Variants in CABLES1 observed in about 807,000 individuals in gnomAD.
CABLES1 encodes Cdk5 and Abl enzyme substrate 1.
In CABLES1, 36 loss-of-function variants were observed where a neutral mutation model predicts 57.8. The ratio of observed to expected loss-of-function variants is 0.62; its 90% CI spans 0.48 to 0.82. The LOEUF (loss-of-function observed/expected upper bound fraction) is 0.82, where lower values mean the gene tolerates loss of function less well. CABLES1 is among the 40% of genes least tolerant of loss of function. The pLI is 0.00. For synonymous variants in CABLES1, 374 were observed against 363.0 expected, an observed-to-expected ratio of 1.03 and a Z score of -0.35; for missense variants, 767 against 836.6, an observed-to-expected ratio of 0.92 and a Z score of 1.03.
At chr18:23,189,836 C>T (rs1459970952) in intron 2 of CABLES1, among the ~76,000 whole-genome samples, 1 of 152,250 alleles carries the variant, frequency 6.6e-6, no homozygotes, top group Non-Finnish European at 1.5e-5. Context: ...TGAAGCTTCA[C>T]TCCCAGGGCA....
At chr18:23,233,775 C>T (rs2047582832) in intron 4 of CABLES1, among the ~76,000 whole-genome samples, 1 of 152,202 alleles carries the variant, frequency 6.6e-6, no homozygotes, top group South Asian at 2.1e-4. Context: ...AAAAGATATT[C>T]ATTTTCTAGG....
At chr18:23,193,614 C>T (rs2047261519) in intron 2 of CABLES1, among the ~76,000 whole-genome samples, 1 of 152,198 alleles carries the variant, frequency 6.6e-6, no homozygotes, top group Non-Finnish European at 1.5e-5. Context: ...CGAAAAGTCA[C>T]AGCCCCTTTT....
intron 3 of CABLES1, among the ~76,000 whole-genome samples, chr18:23,198,537 G>A (rs1384095383): frequency 6.6e-6 from 1 of 152,140 alleles, no homozygotes; most frequent in Non-Finnish European, 1.5e-5. Flanking sequence ...GGGAACTGAG[G>A]CGCAAATAAG....
At chr18:23,235,075 C>T (rs1293810051) in intron 5 of CABLES1, among the ~76,000 whole-genome samples, 2 of 152,164 alleles carry the variant, frequency 1.3e-5, no homozygotes, top group African/African-American at 2.4e-5. Flanking sequence ...TCCCATGGTC[C>T]TGGGAAGCTA....
At chr18:23,168,234 G>A (rs968566413) in intron 1 of CABLES1, among the ~76,000 whole-genome samples, 2 of 152,190 alleles carry the variant, frequency 1.3e-5, no homozygotes, top group African/African-American at 4.8e-5. Flanking sequence ...AGGAATGAAT[G>A]GATACACGAA....
intron 1 of CABLES1, among the ~76,000 whole-genome samples, chr18:23,178,549 GTT>G (rs761030606): frequency 2.4e-4 from 36 of 152,344 alleles, no homozygotes; most frequent in South Asian, 1.7e-3. Context: ...TGTCAAAAGA[GTT>G]TGAACTTGTT....
chr18:23,235,614 T>C (rs1210348012), intron 5 of CABLES1, among the ~76,000 whole-genome samples: 1 of 152,204 alleles, frequency 6.6e-6, no homozygotes, highest in African/African-American at 2.4e-5. Flanking sequence ...GGTCCTGAGA[T>C]AGTACCTTAT....
At chr18:23,158,309 GATA>G (rs2046979154) in intron 1 of CABLES1, among the ~76,000 whole-genome samples, 1 of 151,938 alleles carries the variant, frequency 6.6e-6, no homozygotes, top group Non-Finnish European at 1.5e-5. Flanking sequence ...CTCAAAAAAT[GATA>G]ATAACACCAA....
At chr18:23,140,154 G>A (rs908565698) in intron 1 of CABLES1, among the ~76,000 whole-genome samples, 5 of 152,230 alleles carry the variant, frequency 3.3e-5, no homozygotes, top group African/African-American at 4.8e-5. Context: ...TTAGCTTCAT[G>A]CCTATCGTGT....
At chr18:23,248,981 G>C (rs1242603780) in intron 7 of CABLES1, among the ~76,000 whole-genome samples, 1 of 152,254 alleles carries the variant, frequency 6.6e-6, no homozygotes, top group African/African-American at 2.4e-5. Context: ...CTGGGACCAG[G>C]ACTCTGGCTT....
At chr18:23,218,802 C>T (rs1560851) in intron 4 of CABLES1, among the ~76,000 whole-genome samples, 43,424 of 151,950 alleles carry the variant, frequency 0.29, 6,488 homozygotes, top group East Asian at 0.42. Context: ...TATAATACTA[C>T]CTATTCATTC....
rs149261668 is a variant in CABLES1, at chr18:23,224,656, C to T, written c.1089-9952C>T. Among the ~76,000 whole-genome samples the T allele has an allele frequency of 6.8e-3, 1,021 of 149,922 alleles. 13 individuals carry two copies. Among genetic ancestry groups the T allele is most frequent in the African/African-American group, 0.024 (983 of 40,590 alleles). ...GGGTCTCGGCTCACTGCAAGCTCCGCCTCCTGGGTTCACGCCATTCTCCTG... is the reference window on the plus strand; with the variant it reads ...GGGTCTCGGCTCACTGCAAGCTCCGTCTCCTGGGTTCACGCCATTCTCCTG... On this transcript the variant is annotated intron_variant, in intron 4 of 9. Transcript: ENST00000256925.
chr18:23,162,068 G>A (rs1168713001), intron 1 of CABLES1, among the ~76,000 whole-genome samples: 1 of 152,112 alleles, frequency 6.6e-6, no homozygotes, highest in African/African-American at 2.4e-5. Context: ...GGGAGGCTGA[G>A]GCAGGGGAAT....
chr18:23,159,945 G>A (rs1402704843), intron 1 of CABLES1, among the ~76,000 whole-genome samples: 5 of 150,804 alleles, frequency 3.3e-5, no homozygotes, highest in Admixed American at 6.6e-5. Context: ...TTGTCTCTCC[G>A]AAGAATCATA....
chr18:23,252,648 C>G (rs1001427598), intron 7 of CABLES1, among the ~76,000 whole-genome samples: 1 of 152,180 alleles, frequency 6.6e-6, no homozygotes, highest in Non-Finnish European at 1.5e-5. Flanking sequence ...AGCCCCATAC[C>G]GTGTGAACAG....
chr18:23,248,811 G>A (rs1368554779), intron 7 of CABLES1, among the ~76,000 whole-genome samples: 1 of 152,174 alleles, frequency 6.6e-6, no homozygotes, highest in East Asian at 1.9e-4. Context: ...GGCAACAAGA[G>A]CGAAACTCCA....
chr18:23,241,799 G>A (rs547414824), intron 7 of CABLES1, among the ~76,000 whole-genome samples: 54 of 152,222 alleles, frequency 3.5e-4, no homozygotes, highest in African/African-American at 1.2e-3. Flanking sequence ...GCCCCTCGTC[G>A]CCACAGTCAG....
At chr18:23,184,014 C>G (rs999031628) in intron 1 of CABLES1, among the ~76,000 whole-genome samples, 114 of 152,218 alleles carry the variant, frequency 7.5e-4, no homozygotes, top group African/African-American at 2.6e-3. Flanking sequence ...GTGACACTAC[C>G]AGTTCACAGG....
chr18:23,200,364 A>G (rs1365318800), intron 3 of CABLES1, among the ~76,000 whole-genome samples: 1 of 151,884 alleles, frequency 6.6e-6, no homozygotes, highest in African/African-American at 2.4e-5. Context: ...GGTTCACACC[A>G]TTCTCCTGCC....
Sources: gnomAD v4.1 joint callset for allele counts (sites outside exome capture counted in the v4.1 genomes callset) on GRCh38, gnomAD v4.1.1 for gene constraint, MANE v1.5 for transcripts, NCBI Gene and HGNC (gene_info 2026-07-23, HGNC 2026-07-21) for gene names.